Variants in HS3ST4 observed in about 807,000 individuals in gnomAD.
HS3ST4 encodes heparan sulfate glucosamine 3-O-sulfotransferase 4.
HS3ST4 carries 17 observed loss-of-function variants against 29.2 expected under a neutral mutation model. The observed-to-expected ratio is 0.58, with a 90% confidence interval of 0.40 to 0.87. The LOEUF (loss-of-function observed/expected upper bound fraction) is 0.87, where lower values mean the gene tolerates loss of function less well. Among genes scored for constraint, HS3ST4 ranks in the 40% least tolerant of loss-of-function variants. The pLI, the probability that HS3ST4 is intolerant of heterozygous loss-of-function variation, is 0.00. For missense variants in HS3ST4, 627 were observed against 634.5 expected, an observed-to-expected ratio of 0.99 and a Z score of 0.13; for synonymous variants, 314 against 285.7, an observed-to-expected ratio of 1.10 and a Z score of -1.00.
At chr16:26,095,289 C>T (rs1489461807) in intron 1 of HS3ST4, among the ~76,000 whole-genome samples, 1 of 152,184 alleles carries the variant, frequency 6.6e-6, no homozygotes, top group Non-Finnish European at 1.5e-5. Context: ...ACAGAACTCT[C>T]CACCCCAAAT....
chr16:26,112,005 G>A (rs1227191515), intron 1 of HS3ST4, among the ~76,000 whole-genome samples: 2 of 122,324 alleles, frequency 1.6e-5, no homozygotes, highest in Non-Finnish European at 3.5e-5. Flanking sequence ...GACAGAGTGA[G>A]ACTCCACTCA....
intron 1 of HS3ST4, among the ~76,000 whole-genome samples, chr16:25,925,131 G>A (rs775684839): frequency 6.6e-6 from 1 of 151,424 alleles, no homozygotes; most frequent in Non-Finnish European, 1.5e-5. Context: ...TGTTGTAAAT[G>A]TTTTCAATAC....
chr16:26,022,106 G>A (rs770969861), intron 1 of HS3ST4, among the ~76,000 whole-genome samples: 11 of 152,074 alleles, frequency 7.2e-5, no homozygotes, highest in Non-Finnish European at 1.3e-4. Context: ...GGGACTACAG[G>A]CACATGTCAC....
At chr16:25,840,886 T>C (rs1266259155) in intron 1 of HS3ST4, among the ~76,000 whole-genome samples, 1 of 152,224 alleles carries the variant, frequency 6.6e-6, no homozygotes, top group African/African-American at 2.4e-5. Context: ...CCATCTGTGG[T>C]CAAGTAAGCT....
At chr16:26,102,192 C>G (rs982784621) in intron 1 of HS3ST4, among the ~76,000 whole-genome samples, 1 of 152,080 alleles carries the variant, frequency 6.6e-6, no homozygotes. Context: ...AAACTGGCAC[C>G]TGAAAGACTA....
chr16:25,705,060 C>T (rs1405370490), intron 1 of HS3ST4, among the ~76,000 whole-genome samples: 2 of 152,108 alleles, frequency 1.3e-5, no homozygotes, highest in Non-Finnish European at 2.9e-5. Context: ...GTTGCTGTAG[C>T]ACAGTTGTAG....
intron 1 of HS3ST4, among the ~76,000 whole-genome samples, chr16:26,066,788 G>A (rs1053544441): frequency 3.9e-5 from 6 of 152,342 alleles, no homozygotes; most frequent in African/African-American, 1.2e-4. Flanking sequence ...TTTAGAATGA[G>A]AGCCTCACTC....
intron 1 of HS3ST4, among the ~76,000 whole-genome samples, chr16:25,990,221 G>A (rs775253840): frequency 5.3e-5 from 8 of 152,152 alleles, no homozygotes; most frequent in South Asian, 4.1e-4. Flanking sequence ...ATAAACATCT[G>A]TTTGCAGGTT....
chr16:25,733,855 A>G (rs994835854), intron 1 of HS3ST4, among the ~76,000 whole-genome samples: 4 of 152,200 alleles, frequency 2.6e-5, no homozygotes, highest in African/African-American at 7.2e-5. Context: ...GCAGTGGCTC[A>G]CGCCTGTAAT....
chr16:25,803,706 A>T (rs959742632), intron 1 of HS3ST4, among the ~76,000 whole-genome samples: 2 of 152,068 alleles, frequency 1.3e-5, no homozygotes, highest in Non-Finnish European at 2.9e-5. Flanking sequence ...CAAATATTAA[A>T]TTCCTGGGTT....
chr16:25,805,948 A>G (rs971574530), intron 1 of HS3ST4, among the ~76,000 whole-genome samples: 3 of 152,190 alleles, frequency 2.0e-5, no homozygotes, highest in Non-Finnish European at 4.4e-5. Flanking sequence ...AAGTGAGAAC[A>G]TAACAGTGTT....
chr16:25,968,372 C>G (rs988494232), intron 1 of HS3ST4, among the ~76,000 whole-genome samples: 1 of 152,204 alleles, frequency 6.6e-6, no homozygotes, highest in Non-Finnish European at 1.5e-5. Flanking sequence ...GGAAACCCAA[C>G]TGTCATCTTT....
At chr16:25,864,705 T>C (rs939007904) in intron 1 of HS3ST4, among the ~76,000 whole-genome samples, 4 of 152,150 alleles carry the variant, frequency 2.6e-5, no homozygotes, top group African/African-American at 9.7e-5. Flanking sequence ...GCATGTCATC[T>C]CAAGTAACAG....
intron 1 of HS3ST4, among the ~76,000 whole-genome samples, chr16:25,977,099 G>A (rs1163756655): frequency 6.6e-6 from 1 of 152,156 alleles, no homozygotes; most frequent in Non-Finnish European, 1.5e-5. Flanking sequence ...TGACTGTTAT[G>A]TGGCACAGAC....
At chr16:25,929,169 G>A (rs1014741963) in intron 1 of HS3ST4, among the ~76,000 whole-genome samples, 1 of 152,062 alleles carries the variant, frequency 6.6e-6, no homozygotes, top group Non-Finnish European at 1.5e-5. Context: ...GGATCATGTG[G>A]TCAAGAGATC....
At position 25,694,896 on chromosome 16, in the gene HS3ST4, G is replaced by A. The variant is rs1053475884; in HGVS notation, c.734+1745G>A. Among the ~76,000 whole-genome samples the A allele has an allele frequency of 4.2e-5, 6 of 144,038 alleles. No homozygotes were observed. The East Asian group carries it at 1.0e-3, about 24-fold the overall frequency. The allele number at this position is 144,038 out of a possible 152,430, so 94.5% of individuals were successfully genotyped here. On this transcript the variant is annotated intron_variant, in intron 1 of 1. Transcript: ENST00000331351. ...TTGTGGCAGCTGGAAACAGAGGGCC[G>A]GGGGTGTTTTATTTGGGTGACTTAA... is the stretch of plus-strand genomic sequence containing the variant.
chr16:26,050,893 C>T (rs2141765234), intron 1 of HS3ST4, among the ~76,000 whole-genome samples: 1 of 152,292 alleles, frequency 6.6e-6, no homozygotes, highest in South Asian at 2.1e-4. Context: ...AAAGATAGAG[C>T]TTCTACTCAG....
intron 1 of HS3ST4, among the ~76,000 whole-genome samples, chr16:25,712,451 T>C (rs1966422050): frequency 6.6e-6 from 1 of 151,994 alleles, no homozygotes; most frequent in African/African-American, 2.4e-5. Context: ...AGCCCGGGAA[T>C]TGGTGGCTGC....
intron 1 of HS3ST4, among the ~76,000 whole-genome samples, chr16:25,766,082 T>G (rs1418024290): frequency 6.6e-6 from 1 of 151,914 alleles, no homozygotes; most frequent in African/African-American, 2.4e-5. Flanking sequence ...TGTGAGGACA[T>G]CTCTGGACTT....
Sources: allele counts gnomAD v4.1 joint callset (sites outside exome capture counted in the v4.1 genomes callset), GRCh38; gene constraint gnomAD v4.1.1; transcripts MANE v1.5; gene names NCBI Gene and HGNC (gene_info 2026-07-23, HGNC 2026-07-21).